Variants in INPP5J observed in about 807,000 individuals in gnomAD.
INPP5J encodes the protein phosphatidylinositol 4,5-bisphosphate 5-phosphatase A.
In INPP5J, 75 loss-of-function variants were observed where a neutral mutation model predicts 86.6. The ratio of observed to expected loss-of-function variants is 0.87; its 90% CI spans 0.72 to 1.05. The LOEUF is 1.05. Among genes scored for constraint, INPP5J ranks in the 50% least tolerant of loss-of-function variants. The pLI is 0.00. For missense variants in INPP5J, 1,229 were observed against 1,341.2 expected (o/e 0.92, Z 1.31); for synonymous variants, 540 against 550.0 (o/e 0.98, Z 0.25).
chr22:31,123,116 CAAGGT>C lies in INPP5J; in HGVS notation c.105+1_105+5del. Reference sequence around the variant, plus strand: ...GTGTTGCCCAAACTGGGGCACCCTCCAAGGTAAGACCCCTGAGACCCAGTGCCCCC... The same window carrying C: ...GTGTTGCCCAAACTGGGGCACCCTCCAAGACCCCTGAGACCCAGTGCCCCC... On this transcript the variant is annotated splice_donor_variant and coding_sequence_variant, in exon 1 of 13. Transcript: ENST00000331075. LOFTEE classifies it high-confidence loss of function. 1 of 1,479,450 alleles carries C rather than the reference CAAGGT, an allele frequency of 6.8e-7. No individual in the cohort carries two copies. The highest frequency in any genetic ancestry group is 8.9e-7 in the Non-Finnish European group (1 of 1,118,608). The allele number at this position is 1,479,450 out of a possible 1,614,324, so 91.6% of individuals were successfully genotyped here.
At chr22:31,127,256 C>G in intron 5 of INPP5J, 101 bp from the exon 6 acceptor site, 1 of 1,133,884 alleles carries the variant, frequency 8.8e-7, no homozygotes, top group African/African-American at 1.5e-5. Flanking sequence ...TCTGTAGGAC[C>G]CACCCACCTT....
chr22:31,128,921 CCTTTT>C (rs1223468895), intron 9 of INPP5J, among the ~76,000 whole-genome samples: 2 of 143,520 alleles, frequency 1.4e-5, no homozygotes, highest in South Asian at 4.5e-4. Flanking sequence ...AGAGCCCATG[CCTTTT>C]CTTTTTTTTT....
At position 31,133,698 on chromosome 22, in the gene INPP5J, T is replaced by C. The variant is rs745714757; in HGVS notation, c.2498T>C (p.Ile833Thr). Reference sequence around the variant, plus strand: ...CACAACCACAGCATCCTCATCGGCATCACTGAACCCTTCCAGGTAAGTAGG... The same window carrying C: ...CACAACCACAGCATCCTCATCGGCACCACTGAACCCTTCCAGGTAAGTAGG... ...YSHNHSILIG[I>T]TEPFQISLPS... is the part of the protein sequence containing the mutation. Residue 833 changes from isoleucine to threonine, a missense_variant, in exon 12 of 13, where the codon ATC becomes ACC. Ile to Thr is a moderately conservative substitution (Grantham distance 89). Coordinates refer to ENST00000331075, the MANE Select transcript of INPP5J (RefSeq NM_001284285.2). The C allele has an allele frequency of 6.2e-6, 10 of 1,612,814 alleles. No homozygotes were observed. The East Asian group carries it at 2.0e-4, about 32-fold the overall frequency.
In INPP5J at chr22:31,125,541, T is replaced by C. The variant is rs1921295377; in HGVS notation, c.802T>C (p.Cys268Arg). 2 of 1,550,344 alleles carry C rather than the reference T, an allele frequency of 1.3e-6. No homozygotes were observed. Among genetic ancestry groups the C allele is most frequent in the Non-Finnish European group, 1.7e-6 (2 of 1,146,936 alleles). Residue 268 changes from cysteine to arginine, a missense_variant, in exon 2 of 13, where the codon TGC becomes CGC. Coordinates refer to ENST00000331075, the MANE Select transcript of INPP5J (RefSeq NM_001284285.2). ...QTSGPTGSPP[C>R]IQTSPDPRLS... is the part of the protein sequence containing the mutation. ...ATCTGGTCCTACAGGCTCCCCACCC[T>C]GCATCCAAACCTCCCCAGACCCTCG...
At chr22:31,130,162 C>T (rs1325553669) in intron 9 of INPP5J, among the ~76,000 whole-genome samples, 1 of 151,240 alleles carries the variant, frequency 6.6e-6, no homozygotes, top group Non-Finnish European at 1.5e-5. Context: ...GCCAACATGG[C>T]GAAACCCATC....
chr22:31,126,943 G>T lies in INPP5J; in HGVS notation c.1517G>T (p.Gly506Val), dbSNP rs766837608. The change falls in exon 5 of 13, where the codon GGT becomes GTT. Residue 506 changes from glycine to valine, a missense_variant. Coordinates refer to ENST00000331075, the MANE Select transcript of INPP5J (RefSeq NM_001284285.2). ...FVLVSSVRMQ[G>V]VILLLFAKYY... The stretch of plus-strand genomic sequence containing the variant: ...CAGGTGAGTTCGGTGAGGATGCAGG[G>T]TGTCATCCTGCTGCTGTTCGCCAAG... 6.2e-7 allele frequency: 1 copy of T among 1,609,686 alleles called. No homozygotes were observed. Among genetic ancestry groups the T allele is most frequent in the South Asian group, 1.1e-5 (1 of 90,370 alleles).
rs1300651763 is a variant in INPP5J at position 31,126,738 on chromosome 22, C to G, written c.1494+17C>G. On this transcript the variant is annotated intron_variant, in intron 4 of 12. Transcript: ENST00000331075. ...TTCGTGCTGGTAACGCACCCCTCAC[C>G]CCCTGGACAGCCAGAGACCCTGCTG... 6.3e-7 allele frequency: 1 copy of G among 1,594,912 alleles called. No individual in the cohort carries two copies. Among genetic ancestry groups the G allele is most frequent in the South Asian group, 1.1e-5 (1 of 90,768 alleles).
Position 31,125,695 on chromosome 22 carries a change from C to G in INPP5J, c.956C>G (p.Ser319Cys). Residue 319 changes from serine (S) to cysteine (C), a missense_variant, in exon 2 of 13, where the codon TCC becomes TGC. Physicochemically the swap from Ser to Cys is moderately radical, Grantham distance 112. Transcript: ENST00000331075. The part of the protein sequence containing the change: ...GQGPSEPGTH[S>C]PGLLSPTFRP... ...GGTCCTTCAGAGCCTGGCACTCACT[C>G]CCCTGGACTTCTGTCCCCCACCTTC... 1 of 1,551,054 alleles carries G rather than the reference C, an allele frequency of 6.4e-7. No homozygotes were observed. The highest frequency in any genetic ancestry group is 8.7e-7 in the Non-Finnish European group (1 of 1,146,942).
At position 31,134,058 on chromosome 22, in the gene INPP5J, G is replaced by A. The variant is rs375145825; in HGVS notation, c.2660G>A (p.Arg887His). The A allele has an allele frequency of 2.7e-5, 43 of 1,582,602 alleles. No homozygotes were observed. Among genetic ancestry groups the A allele is most frequent in the South Asian group, 1.7e-4 (15 of 86,900 alleles). Residue 887 changes from arginine (R) to histidine (H), a missense_variant, in exon 13 of 13, where the codon CGC becomes CAC. Transcript: ENST00000331075. The part of the protein sequence containing the change: ...SPGKSKRHRS[R>H]SPGLARFPGL... ...GGCAAGTCCAAGCGACACCGCAGCC[G>A]CAGCCCGGGACTGGCCAGGTTCCCT...
Position 31,125,698 on chromosome 22 carries a change from C to T in INPP5J, c.959C>T (p.Pro320Leu). The change falls in exon 2 of 13, where the codon CCT becomes CTT. Residue 320 changes from proline (P) to leucine (L), a missense_variant. Coordinates refer to ENST00000331075, the MANE Select transcript of INPP5J (RefSeq NM_001284285.2). The stretch of plus-strand genomic sequence containing the variant: ...CCTTCAGAGCCTGGCACTCACTCCC[C>T]TGGACTTCTGTCCCCCACCTTCCGG... Reference protein sequence around the residue: ...QGPSEPGTHSPGLLSPTFRPG... With the variant: ...QGPSEPGTHSLGLLSPTFRPG... 1 of 1,551,128 alleles carries T rather than the reference C, an allele frequency of 6.4e-7. No individual in the cohort carries two copies. Among genetic ancestry groups the T allele is most frequent in the Non-Finnish European group, 8.7e-7 (1 of 1,146,958 alleles).
intron 7 of INPP5J, 61 bp from the exon 8 acceptor site, chr22:31,128,153 C>A: frequency 6.9e-7 from 1 of 1,442,536 alleles, no homozygotes. Flanking sequence ...TGCCCCACCC[C>A]CTCCCTGGGC....
chr22:31,125,061 CCAA>C lies in INPP5J; in HGVS notation c.325_327del (p.Thr109del). 6.5e-7 allele frequency: 1 copy of C among 1,550,050 alleles called. No individual in the cohort carries two copies. Among genetic ancestry groups the C allele is most frequent in the Non-Finnish European group, 8.7e-7 (1 of 1,147,136 alleles). On this transcript the variant is annotated inframe_deletion, in exon 2 of 13. Coordinates refer to ENST00000331075, the MANE Select transcript of INPP5J (RefSeq NM_001284285.2). ...TGCCCACCGCAGCTCCAGCCTGGCCCCAACATCTGTGGGCCAGCTGGTGATGTC... is the reference window on the plus strand; with the variant it reads ...TGCCCACCGCAGCTCCAGCCTGGCCCCATCTGTGGGCCAGCTGGTGATGTC...
chr22:31,133,242 G>A lies in INPP5J; in HGVS notation c.2331+7G>A, dbSNP rs1009087677. 4.4e-6 allele frequency: 7 copies of A among 1,606,162 alleles called. No individual in the cohort carries two copies. The highest frequency in any genetic ancestry group is 1.3e-5 in the African/African-American group (1 of 74,980). On this transcript the variant is annotated splice_region_variant and intron_variant, in intron 10 of 12. Transcript: ENST00000331075. ...CTGGATCGGCTTATACCGGGTGAGAGGGGCAGTGGTGGTCAGCGACTCAGG... is the reference window on the plus strand; with the variant it reads ...CTGGATCGGCTTATACCGGGTGAGAAGGGCAGTGGTGGTCAGCGACTCAGG...
At chr22:31,131,750 A>G (rs933324533) in intron 9 of INPP5J, among the ~76,000 whole-genome samples, 8 of 152,186 alleles carry the variant, frequency 5.3e-5, no homozygotes, top group Admixed American at 4.6e-4. Flanking sequence ...ATGCAGTCAG[A>G]ATAGGGCTCA....
rs749764232 is a variant in INPP5J at position 31,133,398 on chromosome 22, T to A, written c.2332-8T>A. 1.8e-5 allele frequency: 29 copies of A among 1,613,580 alleles called. 1 individual carries two copies. The East Asian group carries it at 6.2e-4, about 35-fold the overall frequency. On this transcript the variant is annotated splice_polypyrimidine_tract_variant and splice_region_variant and intron_variant, in intron 10 of 12. Transcript: ENST00000331075. ...CACAACACTGATTCCACAACACTGA[T>A]CCCCCAGGTGGGTTTCCGCCATTGC... is the stretch of plus-strand genomic sequence containing the variant.
Position 31,126,446 on chromosome 22 carries a change from G to A in INPP5J, c.1342G>A (p.Gly448Ser), listed in dbSNP as rs1470128837. ...CGATGTCACATCCCTCCTCCACCTGGGCGGTGGTGACGACAGCGACGGCGC... is the reference window on the plus strand; with the variant it reads ...CGATGTCACATCCCTCCTCCACCTGAGCGGTGGTGACGACAGCGACGGCGC... Reference protein sequence around the residue: ...PDDVTSLLHLGGGDDSDGADM... With the variant: ...PDDVTSLLHLSGGDDSDGADM... The change falls in exon 3 of 13, where the codon GGC (glycine) becomes AGC (serine). Residue 448 changes from glycine (G) to serine (S), a missense_variant. Gly to Ser is a moderately conservative substitution (Grantham distance 56). Coordinates refer to ENST00000331075, the MANE Select transcript of INPP5J (RefSeq NM_001284285.2). The A allele has an allele frequency of 2.5e-6, 4 of 1,613,710 alleles. No homozygotes were observed. In the African/African-American group the frequency reaches 5.3e-5, roughly 22 times the overall value.
intron 2 of INPP5J, 136 bp from the exon 3 acceptor site, chr22:31,126,240 G>A (rs1921407449): frequency 1.5e-5 from 12 of 819,498 alleles, no homozygotes; most frequent in South Asian, 5.1e-5. Context: ...GACAGGATTC[G>A]GGGCCTCCTG....
chr22:31,128,264 G>A lies in INPP5J; in HGVS notation c.1950G>A (p.Gly650=). 1 of 1,601,972 alleles carries A rather than the reference G, an allele frequency of 6.2e-7. No individual in the cohort carries two copies. Among genetic ancestry groups the A allele is most frequent in the Non-Finnish European group, 8.5e-7 (1 of 1,174,218 alleles). ...TWPILKGFQE[G]PLNFAPTFKF... is the part of the protein sequence containing the mutation. ...CCATTCTGAAGGGCTTTCAGGAGGG[G>A]CCCCTCAACTTCGCTCCCACCTTCA... Residue 650 remains glycine, a synonymous_variant, in exon 8 of 13, where the codon GGG becomes GGA. Coordinates refer to ENST00000331075, the MANE Select transcript of INPP5J (RefSeq NM_001284285.2).
chr22:31,123,732 C>A (rs1445213593), intron 1 of INPP5J, among the ~76,000 whole-genome samples: 2 of 152,192 alleles, frequency 1.3e-5, no homozygotes, highest in East Asian at 3.9e-4. Context: ...TATAGACATT[C>A]TTCTGCCCTC....
Sources: gnomAD v4.1 joint callset for allele counts (sites outside exome capture counted in the v4.1 genomes callset) on GRCh38, gnomAD v4.1.1 for gene constraint, MANE v1.5 for transcripts, NCBI Gene and HGNC (gene_info 2026-07-23, HGNC 2026-07-21) for gene names.